The following GFRA1 variants were observed in gnomAD, a reference collection of about 807,000 sequenced individuals.
GFRA1 encodes GDNF family receptor alpha-1.
In GFRA1, 16 loss-of-function variants were observed where a neutral mutation model predicts 51.6. The observed-to-expected ratio is 0.31, with a 90% confidence interval of 0.21 to 0.47. GFRA1 has a LOEUF of 0.47. Among genes scored for constraint, GFRA1 ranks in the 20% least tolerant of loss-of-function variants. The pLI is 1.00. For missense variants in GFRA1, 530 were observed against 594.3 expected, an observed-to-expected ratio of 0.89 and a Z score of 1.13; for synonymous variants, 270 against 241.3, an observed-to-expected ratio of 1.12 and a Z score of -1.10.
At position 116,086,690 on chromosome 10, in the gene GFRA1, T is replaced by C. The variant is rs1589775200; in HGVS notation, c.1197+3051A>G. ...TTAGCTCCAGGATATGTGGAGACTG[T>C]GCATATCACAGGGAAGAGAGGTGTG... On this transcript the variant is annotated intron_variant, in intron 9 of 10. Transcript: ENST00000355422. Among the ~76,000 whole-genome samples the C allele has an allele frequency of 2.0e-5, 3 of 152,208 alleles. No homozygotes were observed. The South Asian group carries it at 6.2e-4, about 32-fold the overall frequency.
At chr10:116,194,703 A>C (rs1016411920) in intron 5 of GFRA1, among the ~76,000 whole-genome samples, 1 of 152,134 alleles carries the variant, frequency 6.6e-6, no homozygotes, top group Admixed American at 6.5e-5. Flanking sequence ...GGACATCAAT[A>C]AGTGTTTGCT....
rs1377991032 is a variant in GFRA1, at chr10:116,062,395, G to C, written c.*2003C>G. On this transcript the variant is annotated 3_prime_UTR_variant, in exon 11 of 11. Coordinates refer to ENST00000355422, the MANE Select transcript of GFRA1 (RefSeq NM_005264.8). ...TCTTTTCACTAATTAAATACAGTTG[G>C]GTGTCTGCTGAATTTCCCTTGAAAA... 3.0e-6 allele frequency: 1 copy of C among 336,894 alleles called. No homozygotes were observed. Among genetic ancestry groups the C allele is most frequent in the East Asian group, 4.5e-5 (1 of 22,186 alleles). The allele number at this position is 336,894 out of a possible 1,614,324, so 20.9% of individuals were successfully genotyped here. A position where few individuals can be genotyped will look rare whatever the true frequency, so the allele number is the denominator to read the frequency against.
At chr10:116,114,681 A>G (rs926309483) in intron 6 of GFRA1, among the ~76,000 whole-genome samples, 2 of 152,040 alleles carry the variant, frequency 1.3e-5, no homozygotes, top group Admixed American at 1.3e-4. Flanking sequence ...CTACAGGCAC[A>G]TACCACCACA....
chr10:116,091,298 ACAT>A (rs2133881514), intron 8 of GFRA1, among the ~76,000 whole-genome samples: 1 of 152,380 alleles, frequency 6.6e-6, no homozygotes, highest in Admixed American at 6.5e-5. Flanking sequence ...GTGAACAACA[ACAT>A]CAACAAAAGA....
intron 5 of GFRA1, among the ~76,000 whole-genome samples, chr10:116,173,785 A>T (rs7092387): frequency 0.16 from 25,049 of 152,146 alleles, 2,218 homozygotes; most frequent in Admixed American, 0.26. Flanking sequence ...CCGGTTAAAA[A>T]AAGTCAGTTG....
Position 116,063,453 on chromosome 10 carries a change from A to C in GFRA1, c.*945T>G, listed in dbSNP as rs1402648431. The C allele has an allele frequency of 6.6e-6, 1 of 152,242 alleles. No individual in the cohort carries two copies. The highest frequency in any genetic ancestry group is 1.5e-5 in the Non-Finnish European group (1 of 68,040). The allele number at this position is 152,242 out of a possible 1,614,324, so 9.4% of individuals were successfully genotyped here. A position where few individuals can be genotyped will look rare whatever the true frequency, so the allele number is the denominator to read the frequency against. Reference sequence around the variant, plus strand: ...GCGAACACTACTTATGAGGGGAAAGAAGCTCTGTGTATTTTGTATTAAACC... The same window carrying C: ...GCGAACACTACTTATGAGGGGAAAGCAGCTCTGTGTATTTTGTATTAAACC... On this transcript the variant is annotated 3_prime_UTR_variant, in exon 11 of 11. Transcript: ENST00000355422.
chr10:116,068,430 AATGAG>A (rs1025360209), intron 9 of GFRA1, among the ~76,000 whole-genome samples: 3 of 152,196 alleles, frequency 2.0e-5, no homozygotes, highest in African/African-American at 7.2e-5. Flanking sequence ...TCTCACACCA[AATGAG>A]ATGAGGGCCA....
intron 4 of GFRA1, among the ~76,000 whole-genome samples, chr10:116,259,400 C>A (rs1269851465): frequency 6.6e-6 from 1 of 151,284 alleles, no homozygotes; most frequent in Non-Finnish European, 1.5e-5. Context: ...GCATTCTGCT[C>A]CACTTTAGAA....
intron 5 of GFRA1, among the ~76,000 whole-genome samples, chr10:116,176,623 C>T (rs919399245): frequency 6.6e-6 from 1 of 152,142 alleles, no homozygotes; most frequent in Non-Finnish European, 1.5e-5. Context: ...CCCCCAGAAC[C>T]ATGTAAATAT....
chr10:116,112,300 G>C (rs556176823), intron 6 of GFRA1, among the ~76,000 whole-genome samples: 1 of 152,282 alleles, frequency 6.6e-6, no homozygotes, highest in African/African-American at 2.4e-5. Flanking sequence ...CTCTCCAATA[G>C]GAATTCCGAC....
chr10:116,135,076 A>T (rs765082076), intron 5 of GFRA1, among the ~76,000 whole-genome samples: 10 of 152,184 alleles, frequency 6.6e-5, no homozygotes, highest in Non-Finnish European at 1.5e-4. Flanking sequence ...CAAAGGCATG[A>T]AAAATGGTTG....
Position 116,263,783 on chromosome 10 carries a change from G to A in GFRA1, c.418+5720C>T, listed in dbSNP as rs75503766. On this transcript the variant is annotated intron_variant, in intron 4 of 10. Coordinates refer to ENST00000355422, the MANE Select transcript of GFRA1 (RefSeq NM_005264.8). Reference sequence around the variant, plus strand: ...GCTGGAAAGCCCATGCAGAGTTCAAGTGAGAGATAAGACAGTTACATCCAT... The same window carrying A: ...GCTGGAAAGCCCATGCAGAGTTCAAATGAGAGATAAGACAGTTACATCCAT... 3.7e-3 allele frequency among the ~76,000 whole-genome samples: 559 copies of A among 152,322 alleles called. 2 individuals are homozygous for A. Among genetic ancestry groups the A allele is most frequent in the Non-Finnish European group, 6.7e-3 (455 of 68,034 alleles).
rs1843868871 is a variant in GFRA1, at chr10:116,270,930, T to A, written c.226A>T (p.Met76Leu). The change falls in exon 3 of 11, where the codon ATG (methionine) becomes TTG (leucine). Residue 76 changes from methionine to leucine, a missense_variant. Transcript: ENST00000355422. ...LEAKDECRSA[M>L]EALKQKSLYN... ...AGCGACTTCTGCTTCAGGGCCTCCA[T>A]GGCGCTGCGGCACTCATCCTTGGCC... is the stretch of plus-strand genomic sequence containing the variant. The A allele has an allele frequency of 6.2e-7, 1 of 1,614,174 alleles. No individual in the cohort carries two copies. Among genetic ancestry groups the A allele is most frequent in the African/African-American group, 1.3e-5 (1 of 75,074 alleles).
At chr10:116,098,286 G>A (rs553372964) in intron 6 of GFRA1, among the ~76,000 whole-genome samples, 1 of 152,358 alleles carries the variant, frequency 6.6e-6, no homozygotes, top group Non-Finnish European at 1.5e-5. Flanking sequence ...TGGGGTGTGC[G>A]CGTGTGTACG....
At chr10:116,274,671 C>T (rs1322933118), upstream of GFRA1, among the ~76,000 whole-genome samples, 1 of 152,204 alleles carries the variant, frequency 6.6e-6, no homozygotes, top group Non-Finnish European at 1.5e-5. Flanking sequence ...CCGCACTTCT[C>T]TTGTGCTGTA....
intron 10 of GFRA1, among the ~76,000 whole-genome samples, chr10:116,065,085 C>G (rs1261591436): frequency 1.3e-5 from 2 of 152,276 alleles, no homozygotes; most frequent in East Asian, 3.9e-4. Context: ...GTCACCAGCA[C>G]CTGCTTAATC....
At chr10:116,198,539 T>C (rs893818585) in intron 5 of GFRA1, among the ~76,000 whole-genome samples, 2 of 152,258 alleles carry the variant, frequency 1.3e-5, no homozygotes, top group Non-Finnish European at 2.9e-5. Flanking sequence ...CTTTAAGATA[T>C]GCAGGAGATA....
intron 5 of GFRA1, among the ~76,000 whole-genome samples, chr10:116,136,357 C>A (rs146396482): frequency 1.3e-5 from 2 of 152,148 alleles, no homozygotes; most frequent in Non-Finnish European, 2.9e-5. Context: ...TTAGCCTGTG[C>A]GAGCTCCACT....
At chr10:116,097,663 CA>C (rs1956657034) in intron 6 of GFRA1, among the ~76,000 whole-genome samples, 1 of 152,194 alleles carries the variant, frequency 6.6e-6, no homozygotes, top group South Asian at 2.1e-4. Flanking sequence ...TCTCGGCAGA[CA>C]ACTGCTCTGT....
Sources: gnomAD v4.1 joint callset for allele counts (sites outside exome capture counted in the v4.1 genomes callset) on GRCh38, gnomAD v4.1.1 for gene constraint, MANE v1.5 for transcripts, NCBI Gene and HGNC (gene_info 2026-07-23, HGNC 2026-07-21) for gene names.